THNSL1: variants seen among roughly 807,000 people sequenced by gnomAD.
THNSL1 encodes threonine synthase-like 1.
A neutral mutation model predicts 50.4 loss-of-function variants in THNSL1; 48 were observed. The observed-to-expected ratio is 0.95, with a 90% CI of 0.76 to 1.21. The LOEUF (loss-of-function observed/expected upper bound fraction) is 1.21, where lower values mean the gene tolerates loss of function less well. Ranked by LOEUF, THNSL1 falls within the 50% of genes most tolerant of loss-of-function variation. THNSL1 has a pLI of 0.00. For synonymous variants in THNSL1, 309 were observed against 306.1 expected (o/e 1.01, Z -0.10); for missense variants, 896 against 871.7 (o/e 1.03, Z -0.35).
At position 25,024,818 on chromosome 10, in the gene THNSL1, G is replaced by A; in HGVS notation, c.1595G>A (p.Cys532Tyr). ...GGAATCCCGATTCGAAAATTTATCT[G>A]TGCCTCTAATCAGAACCATGTTTTG... ...MMGIPIRKFI[C>Y]ASNQNHVLTD... Residue 532 changes from cysteine (C) to tyrosine (Y), a missense_variant, in exon 3 of 3, where the codon TGT (cysteine) becomes TAT (tyrosine). Transcript: ENST00000376356. 1 of 1,614,138 alleles carries A rather than the reference G, an allele frequency of 6.2e-7. No individual in the cohort carries two copies. Among genetic ancestry groups the A allele is most frequent in the Middle Eastern group, 1.6e-4 (1 of 6,062 alleles).
At chr10:24,994,443 C>A in the THNSL1 span, among the ~76,000 whole-genome samples, 1 of 151,572 alleles carries the variant, frequency 6.6e-6, no homozygotes, top group African/African-American at 2.4e-5. Flanking sequence ...AAGCGATTCT[C>A]GTGCCTTAGC....
At chr10:24,952,552 C>T in the THNSL1 span, 1 of 1,591,710 alleles carries the variant, frequency 6.3e-7, no homozygotes, top group Non-Finnish European at 8.6e-7. The surrounding 1 kb of genome is among the most constrained non-coding windows in gnomAD (Gnocchi z 5.1). Context: ...CGTAGTCTGG[C>T]GCCTCCTCGC....
chr10:24,981,648 G>A, the THNSL1 span, among the ~76,000 whole-genome samples: 5 of 152,262 alleles, frequency 3.3e-5, no homozygotes, highest in Admixed American at 6.5e-5. Flanking sequence ...CTTTCTACGC[G>A]CCAGGAACTA....
the THNSL1 span, among the ~76,000 whole-genome samples, chr10:24,978,454 C>T: frequency 1.8e-4 from 27 of 151,202 alleles, no homozygotes; most frequent in East Asian, 4.7e-3. Flanking sequence ...TCTCTCTCCT[C>T]TCTCTCTCTT....
chr10:25,002,922 T>TA, the THNSL1 span, among the ~76,000 whole-genome samples: 6,383 of 147,276 alleles, frequency 0.043, 153 homozygotes, highest in Non-Finnish European at 0.062. Flanking sequence ...TCATTTGGGG[T>TA]AAAAAAAAAA....
chr10:24,966,228 GCCATTTTGGCATCA>G, the THNSL1 span, among the ~76,000 whole-genome samples: 8 of 152,192 alleles, frequency 5.3e-5, no homozygotes, highest in Non-Finnish European at 1.2e-4. Context: ...TACACAATTT[GCCATTTTGGCATCA>G]ATGCCACCTT....
chr10:25,024,775 G>T lies in THNSL1; in HGVS notation c.1552G>T (p.Val518Leu), dbSNP rs1476126777. ...AAACTTTGGTAACATTTTAGCAGCA[G>T]TGTATGCCAAAATGATGGGAATCCC... ...TGNFGNILAA[V>L]YAKMMGIPIR... Residue 518 changes from valine (V) to leucine (L), a missense_variant, in exon 3 of 3, where the codon GTG (valine) becomes TTG (leucine). Val to Leu is a conservative substitution (Grantham distance 32, BLOSUM62 1). Transcript: ENST00000376356. The T allele has an allele frequency of 1.2e-6, 2 of 1,614,168 alleles. No homozygotes were observed. The highest frequency in any genetic ancestry group is 1.7e-6 in the Non-Finnish European group (2 of 1,180,042).
At chr10:24,984,233 G>C in the THNSL1 span, 20 of 940,722 alleles carry the variant, frequency 2.1e-5, no homozygotes, top group Non-Finnish European at 3.1e-5. Flanking sequence ...AAATGTCATG[G>C]GCCACAGGAA....
At chr10:25,015,776 A>T (rs546582568), upstream of THNSL1, 12 of 1,229,228 alleles carry the variant, frequency 9.8e-6, no homozygotes, top group African/African-American at 1.6e-5. Context: ...ATTTATTATT[A>T]AAAATTCCAG....
At chr10:24,984,922 A>G in the THNSL1 span, 8 of 1,604,158 alleles carry the variant, frequency 5.0e-6, no homozygotes, top group Non-Finnish European at 6.8e-6. Flanking sequence ...ATGGTCAAGA[A>G]ACTTGTAAAT....
chr10:24,984,655 T>C, the THNSL1 span: 2,261 of 1,343,990 alleles, frequency 1.7e-3, 31 homozygotes, highest in African/African-American at 0.03. Context: ...TTTTCCTTTT[T>C]GAAAAACTTG....
chr10:25,003,151 G>C, the THNSL1 span, among the ~76,000 whole-genome samples: 147 of 151,646 alleles, frequency 9.7e-4, no homozygotes, highest in African/African-American at 3.4e-3. Flanking sequence ...TTCAATTTCA[G>C]TGTTTCTTTA....
At chr10:24,975,826 A>G in the THNSL1 span, among the ~76,000 whole-genome samples, 6 of 152,216 alleles carry the variant, frequency 3.9e-5, no homozygotes, top group African/African-American at 1.4e-4. Context: ...ACAGATGTCT[A>G]CTTAGGTAAT....
chr10:24,959,669 G>C, the THNSL1 span, among the ~76,000 whole-genome samples: 1 of 151,996 alleles, frequency 6.6e-6, no homozygotes, highest in African/African-American at 2.4e-5. Flanking sequence ...GTAATGCAAC[G>C]TTTCCCAAAC....
chr10:24,955,028 G>A, the THNSL1 span, among the ~76,000 whole-genome samples: 3 of 152,298 alleles, frequency 2.0e-5, no homozygotes, highest in East Asian at 5.8e-4. Flanking sequence ...GAAGAAAAGA[G>A]GTTTAATTGA....
the THNSL1 span, among the ~76,000 whole-genome samples, chr10:25,005,127 C>A: frequency 6.6e-6 from 1 of 151,992 alleles, no homozygotes; most frequent in African/African-American, 2.4e-5. Context: ...TGTGTCTGTT[C>A]TTGTACCAGT....
chr10:25,000,963 T>C, the THNSL1 span, among the ~76,000 whole-genome samples: 1 of 152,212 alleles, frequency 6.6e-6, no homozygotes, highest in South Asian at 2.1e-4. Flanking sequence ...TAACATGTGG[T>C]ATGAGAACCT....
the THNSL1 span, chr10:24,952,610 G>T: frequency 6.4e-7 from 1 of 1,564,588 alleles, no homozygotes; most frequent in Non-Finnish European, 8.7e-7. The surrounding 1 kb of genome is among the most constrained non-coding windows in gnomAD (Gnocchi z 5.1). Flanking sequence ...GGAAGACGGC[G>T]CGGGAAGGAG....
chr10:25,003,709 T>G, the THNSL1 span, among the ~76,000 whole-genome samples: 2 of 152,250 alleles, frequency 1.3e-5, no homozygotes, highest in East Asian at 3.8e-4. Context: ...GGGATACATG[T>G]GCAGATTTGT....
Sources: gnomAD v4.1 joint callset for allele counts (sites outside exome capture counted in the v4.1 genomes callset) on GRCh38, gnomAD v4.1.1 for gene constraint, Gnocchi (gnomAD v3.1) non-coding constraint, MANE v1.5 for transcripts, NCBI Gene and HGNC (gene_info 2026-07-23, HGNC 2026-07-21) for gene names.